Variants in PHF21A observed in about 807,000 individuals in gnomAD.
PHF21A encodes PHD finger protein 21A.
In PHF21A, 11 loss-of-function variants were observed where a neutral mutation model predicts 82.5. That is an observed-to-expected ratio of 0.13 (90% CI 0.08 to 0.22). The LOEUF is 0.22. PHF21A is among the 10% of genes least tolerant of loss of function. The pLI is 1.00. For missense variants in PHF21A, 579 were observed against 837.8 expected (o/e 0.69, Z 3.81); for synonymous variants, 297 against 302.8 (o/e 0.98, Z 0.20).
rs150871012 is a variant in PHF21A, at chr11:45,932,722, T to C, written c.*1246A>G. ...TTTTCCTTTTTAATTTAAAAAAAAG[T>C]TTTTTTTCCCCAGATACAAAGATTT... On this transcript the variant is annotated 3_prime_UTR_variant, in exon 19 of 19. Coordinates refer to ENST00000676320, the MANE Select transcript of PHF21A (RefSeq NM_001352027.3). This position sits in a 1 kb window ranked among gnomAD's most constrained non-coding sequence, Gnocchi z 4.3. 3.3e-5 allele frequency: 5 copies of C among 152,484 alleles called. No homozygotes were observed. Among genetic ancestry groups the C allele is most frequent in the African/African-American group, 1.2e-4 (5 of 41,454 alleles). 9.4% of individuals were successfully genotyped at this position (152,484 alleles called of 1,614,324 possible).
chr11:45,985,569 G>C (rs549383613), intron 6 of PHF21A, among the ~76,000 whole-genome samples: 2 of 152,242 alleles, frequency 1.3e-5, no homozygotes, highest in East Asian at 3.9e-4. Flanking sequence ...TTCTAACAGA[G>C]GAAGACAGGG....
At chr11:46,107,151 A>T (rs529967221) in intron 1 of PHF21A, among the ~76,000 whole-genome samples, 14 of 152,354 alleles carry the variant, frequency 9.2e-5, no homozygotes, top group Non-Finnish European at 1.5e-4. Context: ...CCTTTTAAAA[A>T]TTTCAAATTT....
intron 1 of PHF21A, chr11:46,116,729 C>A (rs951563713): frequency 1.3e-5 from 2 of 152,192 alleles, no homozygotes; most frequent in South Asian, 2.1e-4. Flanking sequence ...TTTGGGAGGC[C>A]AAGGCAGGTG....
chr11:45,939,106 A>G (rs1455547718), intron 15 of PHF21A, among the ~76,000 whole-genome samples: 5 of 152,238 alleles, frequency 3.3e-5, no homozygotes, highest in Admixed American at 2.6e-4. Flanking sequence ...TGCTGGGATT[A>G]CAGGCGTGAG....
intron 3 of PHF21A, among the ~76,000 whole-genome samples, chr11:46,088,055 C>T (rs1031419206): frequency 6.6e-6 from 1 of 152,140 alleles, no homozygotes; most frequent in Non-Finnish European, 1.5e-5. Flanking sequence ...CTGCACCCAG[C>T]TGAAAAAATA....
chr11:46,057,105 G>A (rs2959084), intron 6 of PHF21A, among the ~76,000 whole-genome samples: 80,880 of 151,976 alleles, frequency 0.53, 25,106 homozygotes, highest in Non-Finnish European at 0.7. Flanking sequence ...ACAATTGAGA[G>A]GTTTTTTTCC....
chr11:45,939,961 C>T (rs960349012), intron 15 of PHF21A, among the ~76,000 whole-genome samples: 3 of 151,884 alleles, frequency 2.0e-5, no homozygotes, highest in Admixed American at 6.6e-5. Flanking sequence ...GGCTATTCTG[C>T]CAGAAGGTCT....
At chr11:46,027,632 T>C (rs2095776414) in intron 6 of PHF21A, among the ~76,000 whole-genome samples, 1 of 152,168 alleles carries the variant, frequency 6.6e-6, no homozygotes, top group Non-Finnish European at 1.5e-5. Flanking sequence ...ATCTTTAAAA[T>C]ACCCAAGTGC....
chr11:46,120,843 A>T (rs1304672076), intron 1 of PHF21A, 92 bp downstream of exon 1: 2 of 152,582 alleles, frequency 1.3e-5, no homozygotes, highest in Non-Finnish European at 2.9e-5. Flanking sequence ...GCAGAGGGGG[A>T]AGGGGGAGGG....
At chr11:45,985,027 A>ATCCT (rs1299448464) in intron 6 of PHF21A, among the ~76,000 whole-genome samples, 2 of 152,238 alleles carry the variant, frequency 1.3e-5, no homozygotes, top group African/African-American at 4.8e-5. Context: ...AAGGTATCAA[A>ATCCT]TCTTACTCAA....
intron 6 of PHF21A, among the ~76,000 whole-genome samples, chr11:45,990,295 G>T: frequency 8.9e-6 from 1 of 112,824 alleles, no homozygotes; most frequent in Admixed American, 1.2e-4. Flanking sequence ...ATCTCACTCT[G>T]TCCCCCAGGC....
intron 6 of PHF21A, among the ~76,000 whole-genome samples, chr11:46,039,641 C>G (rs998532919): frequency 1.3e-5 from 2 of 152,152 alleles, no homozygotes; most frequent in African/African-American, 4.8e-5. Flanking sequence ...GAGGAATAGG[C>G]TCAATTTTAG....
At chr11:46,008,813 G>A (rs1424949133) in intron 6 of PHF21A, among the ~76,000 whole-genome samples, 1 of 152,072 alleles carries the variant, frequency 6.6e-6, no homozygotes, top group African/African-American at 2.4e-5. Context: ...GTTTGCAACT[G>A]TAAAATGTGA....
intron 9 of PHF21A, among the ~76,000 whole-genome samples, chr11:45,967,586 G>A (rs905146073): frequency 1.3e-5 from 2 of 152,148 alleles, no homozygotes; most frequent in Admixed American, 1.3e-4. Flanking sequence ...CTTAGATAAG[G>A]AGCTTATTTC....
chr11:46,007,100 G>C (rs2095312614), intron 6 of PHF21A, among the ~76,000 whole-genome samples: 1 of 152,102 alleles, frequency 6.6e-6, no homozygotes. Context: ...CTTAAAAAGT[G>C]ATCTTTCTTC....
chr11:45,965,461 G>T lies in PHF21A; in HGVS notation c.850C>A (p.Pro284Thr), dbSNP rs761517079. The T allele has an allele frequency of 6.2e-7, 1 of 1,614,058 alleles. No individual in the cohort carries two copies. Among genetic ancestry groups the T allele is most frequent in the Non-Finnish European group, 8.5e-7 (1 of 1,180,008 alleles). The change falls in exon 10 of 19, where the codon CCC becomes ACC. Residue 284 changes from proline (P) to threonine (T), a missense_variant. Coordinates refer to ENST00000676320, the MANE Select transcript of PHF21A (RefSeq NM_001352027.3). ...GTCTGCCCATTGACGACACGGACGG[G>T]GTGGATGGAATTCTGGGATGTGGGA... ...TLPTSQNSIH[P>T]VRVVNGQTAT...
intron 11 of PHF21A, among the ~76,000 whole-genome samples, chr11:45,952,169 T>A (rs1403315179): frequency 6.6e-6 from 1 of 152,256 alleles, no homozygotes; most frequent in Non-Finnish European, 1.5e-5. Context: ...ATCCCACATA[T>A]GCCAAGAGCA....
At chr11:46,053,384 A>G (rs1239557946) in intron 6 of PHF21A, among the ~76,000 whole-genome samples, 1 of 152,164 alleles carries the variant, frequency 6.6e-6, no homozygotes. Flanking sequence ...ATTTTGCAAG[A>G]GCTAGGAAGA....
chr11:46,016,948 C>A (rs1407809887), intron 6 of PHF21A, among the ~76,000 whole-genome samples: 1 of 148,978 alleles, frequency 6.7e-6, no homozygotes, highest in East Asian at 2.0e-4. Context: ...AGGTAGTGTT[C>A]TTACTAAAAA....
Sources: gnomAD v4.1 joint callset for allele counts (sites outside exome capture counted in the v4.1 genomes callset) on GRCh38, gnomAD v4.1.1 for gene constraint, Gnocchi (gnomAD v3.1) non-coding constraint, MANE v1.5 for transcripts, NCBI Gene and HGNC (gene_info 2026-07-23, HGNC 2026-07-21) for gene names.